KHDRBS2: variants seen among roughly 807,000 people sequenced by gnomAD.
KHDRBS2 encodes KH RNA binding domain containing, signal transduction associated 2.
Under a neutral mutation model 44.3 loss-of-function variants are expected in KHDRBS2, and 26 were observed. The observed-to-expected ratio is 0.59, with a 90% CI of 0.43 to 0.81. The LOEUF is 0.81. Among genes scored for constraint, KHDRBS2 ranks in the 40% least tolerant of loss-of-function variants. The pLI is 0.00. For synonymous variants in KHDRBS2, 194 were observed against 151.1 expected (o/e 1.28, Z -2.08); for missense variants, 476 against 433.1 (o/e 1.10, Z -0.88).
chr6:61,636,529 C>T, the KHDRBS2 span, among the ~76,000 whole-genome samples: 2 of 152,044 alleles, frequency 1.3e-5, no homozygotes, highest in Non-Finnish European at 2.9e-5. Context: ...TCTTGTGACT[C>T]AATACTGCAT....
At chr6:61,905,895 G>T (rs1483864299) in intron 4 of KHDRBS2, among the ~76,000 whole-genome samples, 4 of 122,494 alleles carry the variant, frequency 3.3e-5, no homozygotes, top group African/African-American at 1.3e-4. Context: ...TCACTCTATC[G>T]CTCAGGCTGG....
At chr6:62,054,923 G>T (rs760853471) in intron 2 of KHDRBS2, among the ~76,000 whole-genome samples, 14 of 152,010 alleles carry the variant, frequency 9.2e-5, no homozygotes, top group Admixed American at 2.6e-4. Context: ...AAGGAGCTAC[G>T]TAATATATAG....
intron 7 of KHDRBS2, among the ~76,000 whole-genome samples, chr6:61,700,178 A>C (rs1321319445): frequency 6.6e-6 from 1 of 151,906 alleles, no homozygotes; most frequent in Non-Finnish European, 1.5e-5. Context: ...TGTCATCATC[A>C]ATACATTTTC....
intron 6 of KHDRBS2, among the ~76,000 whole-genome samples, chr6:61,740,475 A>G (rs922318532): frequency 6.6e-6 from 1 of 151,930 alleles, no homozygotes; most frequent in African/African-American, 2.4e-5. Context: ...CAGGTGGTAG[A>G]ATGACAAATT....
chr6:62,071,337 G>T (rs946202724), intron 2 of KHDRBS2, among the ~76,000 whole-genome samples: 17 of 151,988 alleles, frequency 1.1e-4, no homozygotes, highest in African/African-American at 2.6e-4. Flanking sequence ...AGAAGCTCTT[G>T]AGTTTAATTA....
intron 2 of KHDRBS2, among the ~76,000 whole-genome samples, chr6:62,173,323 G>A (rs1820449055): frequency 6.6e-6 from 1 of 151,796 alleles, no homozygotes; most frequent in Non-Finnish European, 1.5e-5. Flanking sequence ...ACACACATAT[G>A]CTAGAAAACT....
intron 3 of KHDRBS2, among the ~76,000 whole-genome samples, chr6:61,997,636 A>T (rs1777448359): frequency 6.6e-6 from 1 of 152,190 alleles, no homozygotes; most frequent in East Asian, 1.9e-4. Flanking sequence ...CAATCCATGT[A>T]AATGAGCACT....
the KHDRBS2 span, among the ~76,000 whole-genome samples, chr6:61,621,158 A>C: frequency 6.6e-6 from 1 of 152,210 alleles, no homozygotes; most frequent in Non-Finnish European, 1.5e-5. Flanking sequence ...TGTAGGGTAC[A>C]GAAAATCCGT....
chr6:62,055,193 T>A (rs891884832), intron 2 of KHDRBS2, among the ~76,000 whole-genome samples: 3 of 151,920 alleles, frequency 2.0e-5, no homozygotes, highest in African/African-American at 7.2e-5. Flanking sequence ...ATGGTTGACA[T>A]TACATGTTAC....
the KHDRBS2 span, among the ~76,000 whole-genome samples, chr6:61,592,920 G>T: frequency 6.6e-6 from 1 of 152,164 alleles, no homozygotes; most frequent in African/African-American, 2.4e-5. Flanking sequence ...TTAAACAGTT[G>T]AGTCCCATTC....
chr6:62,004,737 T>G (rs1051791843), intron 3 of KHDRBS2, among the ~76,000 whole-genome samples: 4 of 152,138 alleles, frequency 2.6e-5, no homozygotes, highest in African/African-American at 9.7e-5. Context: ...CCAATATCCC[T>G]GATGAACATT....
chr6:62,051,723 T>C (rs1789095404), intron 2 of KHDRBS2, among the ~76,000 whole-genome samples: 1 of 152,080 alleles, frequency 6.6e-6, no homozygotes, highest in South Asian at 2.1e-4. Context: ...GAACAAAAGA[T>C]ATTTGCAAAG....
At chr6:62,055,458 CAT>C in intron 2 of KHDRBS2, among the ~76,000 whole-genome samples, 1 of 152,080 alleles carries the variant, frequency 6.6e-6, no homozygotes, top group East Asian at 1.9e-4. Flanking sequence ...TGTGGAGAAA[CAT>C]GTACTTATAT....
chr6:62,057,359 A>C (rs1452280861), intron 2 of KHDRBS2, among the ~76,000 whole-genome samples: 3 of 151,972 alleles, frequency 2.0e-5, no homozygotes, highest in Non-Finnish European at 4.4e-5. Context: ...TATTAGAAAA[A>C]AAAAGTAATC....
chr6:61,626,693 A>G, the KHDRBS2 span, among the ~76,000 whole-genome samples: 1 of 152,224 alleles, frequency 6.6e-6, no homozygotes, highest in Admixed American at 6.5e-5. Flanking sequence ...AAGTTGATTT[A>G]TTTAGAAAAA....
chr6:61,658,911 C>T, the KHDRBS2 span, among the ~76,000 whole-genome samples: 1 of 151,800 alleles, frequency 6.6e-6, no homozygotes, highest in African/African-American at 2.4e-5. Flanking sequence ...GAAAATACGA[C>T]AAGGAATTTC....
intron 2 of KHDRBS2, among the ~76,000 whole-genome samples, chr6:62,103,821 G>A (rs1802491748): frequency 6.6e-6 from 1 of 152,142 alleles, no homozygotes; most frequent in Non-Finnish European, 1.5e-5. Flanking sequence ...ACTGATACCA[G>A]TAGTGAAAGA....
At chr6:61,624,679 G>A in the KHDRBS2 span, among the ~76,000 whole-genome samples, 3 of 152,166 alleles carry the variant, frequency 2.0e-5, no homozygotes, top group Admixed American at 6.5e-5. Flanking sequence ...AATGCTGGAA[G>A]GCACTTCTAT....
At chr6:61,788,491 A>T (rs1784162237) in intron 6 of KHDRBS2, among the ~76,000 whole-genome samples, 1 of 151,470 alleles carries the variant, frequency 6.6e-6, no homozygotes, top group South Asian at 2.1e-4. Flanking sequence ...TACATTTGAC[A>T]TGTAATTGTG....
Sources: gnomAD v4.1 joint callset for allele counts (sites outside exome capture counted in the v4.1 genomes callset) on GRCh38, gnomAD v4.1.1 for gene constraint, MANE v1.5 for transcripts, NCBI Gene and HGNC (gene_info 2026-07-23, HGNC 2026-07-21) for gene names.